EFL1: variants seen among roughly 807,000 people sequenced by gnomAD.
EFL1 encodes elongation factor-like GTPase 1.
In EFL1, 76 loss-of-function variants were observed where a neutral mutation model predicts 126.7. The ratio of observed to expected loss-of-function variants is 0.60; its 90% CI spans 0.50 to 0.73. EFL1 has a LOEUF of 0.73. EFL1 is among the 30% of genes least tolerant of loss of function. The probability of loss-of-function intolerance (pLI) is 0.00; values close to 1 mark genes in which losing one functional copy is unlikely to be tolerated. For missense variants in EFL1, 1,128 were observed against 1,343.2 expected (o/e 0.84, Z 2.50); for synonymous variants, 410 against 448.4 (o/e 0.91, Z 1.08).
At chr15:82,169,027 C>T (rs975703628) in intron 15 of EFL1, among the ~76,000 whole-genome samples, 1 of 152,008 alleles carries the variant, frequency 6.6e-6, no homozygotes, top group South Asian at 2.1e-4. Context: ...ATTTATGCCC[C>T]AAGAAAGGAT....
rs1446898069 is a variant in EFL1, at chr15:82,163,892, T to C, written c.1843A>G (p.Thr615Ala). 9.3e-6 allele frequency: 15 copies of C among 1,614,048 alleles called. No homozygotes were observed. The highest frequency in any genetic ancestry group is 1.3e-5 in the Non-Finnish European group (15 of 1,179,992). ...PPFIPLNFEATPIVRVAVEPK... is the reference protein window; with the variant it reads ...PPFIPLNFEAAPIVRVAVEPK... ...TCAACAGCAACTCTCACAATAGGAG[T>C]GGCTTCGAAGTTGAGTGGTATAAAT... is the stretch of plus-strand genomic sequence containing the variant. Residue 615 changes from threonine to alanine, a missense_variant, in exon 16 of 20, where the codon ACT becomes GCT. Physicochemically the swap from Thr to Ala is moderately conservative, Grantham distance 58. This residue lies in a region of EFL1 where 561 missense variants were observed against 641.7 expected (regional missense o/e 0.87). Transcript: ENST00000268206.
chr15:82,147,629 A>AG (rs1358677651), intron 18 of EFL1, among the ~76,000 whole-genome samples: 3 of 148,610 alleles, frequency 2.0e-5, no homozygotes, highest in Non-Finnish European at 4.5e-5. Flanking sequence ...GCAATAGTGA[A>AG]AAAAAAAAAA....
chr15:82,223,190 C>T (rs1373994809), intron 12 of EFL1, among the ~76,000 whole-genome samples: 1 of 151,562 alleles, frequency 6.6e-6, no homozygotes, highest in Admixed American at 6.6e-5. Context: ...ATGTCTAATA[C>T]AATGGAGATG....
intron 15 of EFL1, among the ~76,000 whole-genome samples, chr15:82,170,235 C>A (rs974009864): frequency 1.3e-5 from 2 of 150,338 alleles, no homozygotes; most frequent in Non-Finnish European, 3.0e-5. Context: ...CTGCCTCAGC[C>A]TCCCAAGTAG....
rs376049108 is a variant in EFL1, at chr15:82,151,519, G to A, written c.2935C>T (p.Arg979Cys). Residue 979 changes from arginine to cysteine, a missense_variant, in exon 18 of 20, where the codon CGC (arginine) becomes TGC (cysteine). Around this residue, in one of 6 missense-constraint regions of EFL1, gnomAD observed 561 missense variants for 641.7 expected, o/e 0.87. Transcript: ENST00000268206. ...CRYALQVKPQRLMAAMYTCDI... is the reference protein window; with the variant it reads ...CRYALQVKPQCLMAAMYTCDI... The stretch of plus-strand genomic sequence containing the variant: ...CATGTGTACATAGCTGCCATCAGGC[G>A]CTGAGGTTTCACTTGCAGTGCATAG... 5 of 1,613,996 alleles carry A rather than the reference G, an allele frequency of 3.1e-6. No individual in the cohort carries two copies. The highest frequency in any genetic ancestry group is 4.2e-6 in the Non-Finnish European group (5 of 1,179,998).
At chr15:82,250,608 G>A (rs1419735602) in intron 4 of EFL1, among the ~76,000 whole-genome samples, 1 of 151,620 alleles carries the variant, frequency 6.6e-6, no homozygotes, top group Non-Finnish European at 1.5e-5. Context: ...AGACATGACA[G>A]TAGGCAAAAG....
intron 2 of EFL1, among the ~76,000 whole-genome samples, chr15:82,259,529 A>G (rs1224052010): frequency 6.6e-6 from 1 of 152,224 alleles, no homozygotes; most frequent in African/African-American, 2.4e-5. Flanking sequence ...AACATTATCC[A>G]TATCTCTTAC....
Position 82,152,249 on chromosome 15 carries a change from G to C in EFL1, c.2205C>G (p.Asp735Glu). 1 of 1,614,216 alleles carries C rather than the reference G, an allele frequency of 6.2e-7. No homozygotes were observed. The highest frequency in any genetic ancestry group is 8.5e-7 in the Non-Finnish European group (1 of 1,180,038). The stretch of plus-strand genomic sequence containing the variant: ...TTGTTATGGTGATTAGCCCGTCAGA[G>C]TCAACTTGGATTCCTTCAGGGATTT... ...QSKIPEGIQVDSDGLITITTP... is the reference protein window; with the variant it reads ...QSKIPEGIQVESDGLITITTP... The change falls in exon 18 of 20, where the codon GAC (aspartate) becomes GAG (glutamate). Residue 735 changes from aspartate (D) to glutamate (E), a missense_variant. Physicochemically the swap from Asp to Glu is conservative, Grantham distance 45. Coordinates refer to ENST00000268206, the MANE Select transcript of EFL1 (RefSeq NM_024580.6).
At chr15:82,205,796 C>T (rs1022986603) in intron 15 of EFL1, among the ~76,000 whole-genome samples, 4 of 152,156 alleles carry the variant, frequency 2.6e-5, no homozygotes, top group African/African-American at 7.2e-5. Flanking sequence ...ATATCTATGG[C>T]AGCAATGGGC....
chr15:82,164,374 A>C (rs1397178248), intron 15 of EFL1, among the ~76,000 whole-genome samples: 1 of 152,202 alleles, frequency 6.6e-6, no homozygotes, highest in African/African-American at 2.4e-5. Flanking sequence ...TCTTCTGCCA[A>C]ATCCATCTGC....
At chr15:82,197,128 T>C (rs538774150) in intron 15 of EFL1, among the ~76,000 whole-genome samples, 20 of 152,260 alleles carry the variant, frequency 1.3e-4, no homozygotes, top group Non-Finnish European at 2.6e-4. Context: ...GTTTAGAAAG[T>C]GAAAATTTAC....
chr15:82,251,206 C>T (rs1395142311), intron 4 of EFL1, among the ~76,000 whole-genome samples: 10 of 151,962 alleles, frequency 6.6e-5, no homozygotes, highest in African/African-American at 2.2e-4. Flanking sequence ...AGCAAGACTC[C>T]GTCTCAAAAA....
At chr15:82,209,220 C>T (rs2074557386) in intron 15 of EFL1, among the ~76,000 whole-genome samples, 1 of 151,914 alleles carries the variant, frequency 6.6e-6, no homozygotes, top group Admixed American at 6.6e-5. Flanking sequence ...TGAGCTTTCC[C>T]TTGAAATAAA....
chr15:82,168,371 T>C (rs2074100086), intron 15 of EFL1, among the ~76,000 whole-genome samples: 2 of 152,216 alleles, frequency 1.3e-5, no homozygotes. Context: ...CTGTCCATCA[T>C]GCTAAACAAG....
Position 82,241,366 on chromosome 15 carries a change from T to A in EFL1, c.282A>T (p.Pro94=). 6.2e-7 allele frequency: 1 copy of A among 1,614,068 alleles called. No individual in the cohort carries two copies. The highest frequency in any genetic ancestry group is 8.5e-7 in the Non-Finnish European group (1 of 1,179,934). Residue 94 remains proline, a synonymous_variant, in exon 5 of 20, where the codon CCA becomes CCT. Transcript: ENST00000268206. ...CTTCTGAGGAAAAGTCCACGTGTCC[T>A]GGAGAGTCTATCAGATTGATCAGGT... The part of the protein sequence containing the change: ...EEYLINLIDS[P]GHVDFSSEVS...
chr15:82,194,313 G>C (rs1322492774), intron 15 of EFL1, among the ~76,000 whole-genome samples: 2 of 152,156 alleles, frequency 1.3e-5, no homozygotes, highest in Non-Finnish European at 2.9e-5. Context: ...AGTATTTTGT[G>C]CAAAGCAGAT....
At chr15:82,239,146 C>A (rs1015737173) in intron 6 of EFL1, among the ~76,000 whole-genome samples, 4 of 151,878 alleles carry the variant, frequency 2.6e-5, no homozygotes, top group African/African-American at 9.7e-5. Context: ...TAATTTTTTT[C>A]TTTTTTCTGA....
chr15:82,235,156 A>G (rs141162759), intron 7 of EFL1, among the ~76,000 whole-genome samples: 104 of 152,326 alleles, frequency 6.8e-4, no homozygotes, highest in African/African-American at 2.4e-3. Flanking sequence ...TCTGCCTCTT[A>G]GCAGCTGAGT....
chr15:82,214,594 G>GA (rs1054224768), intron 15 of EFL1, 123 bp downstream of exon 15: 1,478 of 1,305,384 alleles, frequency 1.1e-3, no homozygotes, highest in South Asian at 1.3e-3. Context: ...AAAGATACCA[G>GA]AAAAAAAAAT....
Sources: allele counts gnomAD v4.1 joint callset (sites outside exome capture counted in the v4.1 genomes callset), GRCh38; gene constraint gnomAD v4.1.1; regional missense constraint gnomAD v4.1.1; transcripts MANE v1.5; gene names NCBI Gene and HGNC (gene_info 2026-07-23, HGNC 2026-07-21).